The following UBTD2 variants were observed in gnomAD, a reference collection of about 807,000 sequenced individuals.
The protein encoded by UBTD2 is ubiquitin domain containing 2, also known as ubiquitin domain-containing protein 2.
Under a neutral mutation model 19.8 loss-of-function variants are expected in UBTD2, and 9 were observed. That is an observed-to-expected ratio of 0.46 (90% CI 0.27 to 0.79). UBTD2 has a LOEUF of 0.79. UBTD2 is among the 30% of genes least tolerant of loss of function. The pLI is 0.14. For synonymous variants in UBTD2, 98 were observed against 103.9 expected (o/e 0.94, Z 0.35); for missense variants, 250 against 300.4 (o/e 0.83, Z 1.24).
rs35687001 is a variant in UBTD2 at position 172,273,590 on chromosome 5, C to CAAAAAAAA, written c.70+9998_70+10005dup. Among the ~76,000 whole-genome samples, 268 of 36,348 alleles carry CAAAAAAAA rather than the reference C, an allele frequency of 7.4e-3. 6 individuals are homozygous for CAAAAAAAA. Among genetic ancestry groups the CAAAAAAAA allele is most frequent in the African/African-American group, 9.8e-3 (85 of 8,708 alleles). The allele number at this position is 36,348 out of a possible 152,430, so 23.8% of individuals were successfully genotyped here. ...TGGGCGACAGAGTGAGACTCCGTCTCAAAAAAAAAAAAAAAAAAAAAAAAA... is the reference window on the plus strand; with the variant it reads ...TGGGCGACAGAGTGAGACTCCGTCTCAAAAAAAAAAAAAAAAAAAAAAAAAAAAAAAAA... On this transcript the variant is annotated intron_variant, in intron 1 of 2. Coordinates refer to ENST00000393792, the MANE Select transcript of UBTD2 (RefSeq NM_152277.3).
At chr5:172,227,842 G>A (rs903448800) in intron 2 of UBTD2, among the ~76,000 whole-genome samples, 9 of 150,992 alleles carry the variant, frequency 6.0e-5, no homozygotes, top group Non-Finnish European at 1.0e-4. Flanking sequence ...CACCATGCCC[G>A]GCTAATTTTT....
At chr5:172,282,679 T>G (rs528665010) in intron 1 of UBTD2, among the ~76,000 whole-genome samples, 1 of 152,364 alleles carries the variant, frequency 6.6e-6, no homozygotes, top group South Asian at 2.1e-4. Flanking sequence ...TAAAATATTC[T>G]ACAGAATGGA....
chr5:172,241,659 G>C (rs187303507), intron 1 of UBTD2, among the ~76,000 whole-genome samples: 140 of 152,062 alleles, frequency 9.2e-4, no homozygotes, highest in Non-Finnish European at 1.4e-3. Flanking sequence ...CTCTATAATT[G>C]AAAGTATAAG....
At chr5:172,235,289 G>C (rs982579937) in intron 1 of UBTD2, among the ~76,000 whole-genome samples, 7 of 151,992 alleles carry the variant, frequency 4.6e-5, no homozygotes, top group East Asian at 1.9e-4. Context: ...AATCCAAAGA[G>C]GTAAAAGATT....
chr5:172,234,372 T>C lies in UBTD2; in HGVS notation c.71-14A>G. On this transcript the variant is annotated splice_polypyrimidine_tract_variant and intron_variant, in intron 1 of 2. Coordinates refer to ENST00000393792, the MANE Select transcript of UBTD2 (RefSeq NM_152277.3). ...GACCTAGAGCAACTGAAAAGAAAAA[T>C]AAAAGACTGAGATCAAACCCAAAAT... The C allele has an allele frequency of 6.2e-7, 1 of 1,610,028 alleles. No homozygotes were observed. The highest frequency in any genetic ancestry group is 1.3e-5 in the African/African-American group (1 of 74,828).
chr5:172,232,009 G>A (rs1026637388), intron 2 of UBTD2, among the ~76,000 whole-genome samples: 6 of 152,298 alleles, frequency 3.9e-5, no homozygotes, highest in East Asian at 1.9e-4. Context: ...AGTGGTTCAC[G>A]CCTGTAATCC....
intron 2 of UBTD2, among the ~76,000 whole-genome samples, chr5:172,217,741 C>T (rs1264830833): frequency 6.6e-6 from 1 of 152,110 alleles, no homozygotes; most frequent in East Asian, 1.9e-4. Flanking sequence ...GATCCGCCTA[C>T]CTCGCTTGCT....
At chr5:172,221,976 T>C (rs1166821902) in intron 2 of UBTD2, among the ~76,000 whole-genome samples, 2 of 152,178 alleles carry the variant, frequency 1.3e-5, no homozygotes, top group African/African-American at 4.8e-5. Context: ...GAAATCCCTG[T>C]TTCCTCCACT....
chr5:172,218,091 A>G (rs1771580083), intron 2 of UBTD2, among the ~76,000 whole-genome samples: 2 of 152,230 alleles, frequency 1.3e-5, no homozygotes, highest in Admixed American at 1.3e-4. Context: ...CCACATTCTG[A>G]AACATAAAAC....
intron 2 of UBTD2, among the ~76,000 whole-genome samples, chr5:172,217,474 T>A (rs941465564): frequency 1.3e-5 from 2 of 151,604 alleles, no homozygotes; most frequent in Non-Finnish European, 2.9e-5. Context: ...TAAGAACCTT[T>A]AAAAAAATTT....
chr5:172,229,570 T>A (rs1771850000), intron 2 of UBTD2, among the ~76,000 whole-genome samples: 1 of 151,284 alleles, frequency 6.6e-6, no homozygotes, highest in East Asian at 1.9e-4. Flanking sequence ...GGAAAACATG[T>A]TAGAAAAAAA....
chr5:172,222,949 A>G (rs1438262019), intron 2 of UBTD2, among the ~76,000 whole-genome samples: 3 of 152,192 alleles, frequency 2.0e-5, no homozygotes, highest in Non-Finnish European at 4.4e-5. Flanking sequence ...TGAACAAGAC[A>G]AAGCCTGCTG....
At chr5:172,274,500 A>G (rs1755567929) in intron 1 of UBTD2, among the ~76,000 whole-genome samples, 1 of 152,120 alleles carries the variant, frequency 6.6e-6, no homozygotes, top group Non-Finnish European at 1.5e-5. Context: ...TCAATAAACC[A>G]GTTAGATGAT....
At chr5:172,264,375 T>A (rs1755330471) in intron 1 of UBTD2, among the ~76,000 whole-genome samples, 1 of 151,352 alleles carries the variant, frequency 6.6e-6, no homozygotes, top group African/African-American at 2.4e-5. Context: ...TGAAACCCCA[T>A]CTCTACTAAA....
At chr5:172,215,327 A>G (rs2113871934) in intron 2 of UBTD2, among the ~76,000 whole-genome samples, 1 of 152,336 alleles carries the variant, frequency 6.6e-6, no homozygotes, top group Admixed American at 6.5e-5. Context: ...ACTAGAGTCT[A>G]TCCTGCTGGG....
intron 1 of UBTD2, among the ~76,000 whole-genome samples, chr5:172,238,075 T>G (rs1036320506): frequency 1.4e-4 from 21 of 152,228 alleles, no homozygotes; most frequent in African/African-American, 5.1e-4. Context: ...GGACATAGAT[T>G]ATCAGCCTGG....
At chr5:172,219,305 T>C (rs1358061056) in intron 2 of UBTD2, among the ~76,000 whole-genome samples, 1 of 152,232 alleles carries the variant, frequency 6.6e-6, no homozygotes, top group African/African-American at 2.4e-5. Context: ...TTTCTGCAGT[T>C]TCAATTTCTC....
Position 172,246,735 on chromosome 5 carries a change from C to T in UBTD2, c.71-12377G>A, listed in dbSNP as rs184595636. Among the ~76,000 whole-genome samples, 19 of 144,468 alleles carry T rather than the reference C, an allele frequency of 1.3e-4. No homozygotes were observed. The East Asian group carries it at 1.7e-3, about 13-fold the overall frequency. The allele number at this position is 144,468 out of a possible 152,430, so 94.8% of individuals were successfully genotyped here. ...CTGAGATTACAGGTGTGAGCCACCA[C>T]GCCCAGCCGAGATTGCTTTTTTTTT... On this transcript the variant is annotated intron_variant, in intron 1 of 2. Transcript: ENST00000393792.
chr5:172,215,150 G>T (rs946654542), intron 2 of UBTD2, among the ~76,000 whole-genome samples: 2 of 152,126 alleles, frequency 1.3e-5, no homozygotes, highest in African/African-American at 4.8e-5. Flanking sequence ...AGCTCCATGG[G>T]GACTTGGTGA....
Sources: allele counts gnomAD v4.1 joint callset (sites outside exome capture counted in the v4.1 genomes callset), GRCh38; gene constraint gnomAD v4.1.1; transcripts MANE v1.5; gene names NCBI Gene and HGNC (gene_info 2026-07-23, HGNC 2026-07-21).